APBA2: variants seen among roughly 807,000 people sequenced by gnomAD.
APBA2 encodes amyloid beta precursor protein binding family A member 2.
In APBA2, 30 loss-of-function variants were observed where a neutral mutation model predicts 75.0. The ratio of observed to expected loss-of-function variants is 0.40; its 90% CI spans 0.30 to 0.54. APBA2 has a LOEUF of 0.54. Ranked by LOEUF, APBA2 falls within the 20% of genes least tolerant of loss-of-function variation. The pLI is 0.49. For missense variants in APBA2, 801 were observed against 1,016.1 expected, an observed-to-expected ratio of 0.79 and a Z score of 2.88; for synonymous variants, 444 against 409.6, an observed-to-expected ratio of 1.08 and a Z score of -1.01.
intron 2 of APBA2, among the ~76,000 whole-genome samples, chr15:28,984,046 T>G (rs896961875): frequency 6.6e-6 from 1 of 152,130 alleles, no homozygotes; most frequent in Non-Finnish European, 1.5e-5. Context: ...ACTCACACTT[T>G]GGTGTGAGGC....
At chr15:29,091,105 G>A (rs989153040) in intron 6 of APBA2, among the ~76,000 whole-genome samples, 6 of 152,156 alleles carry the variant, frequency 3.9e-5, no homozygotes, top group Admixed American at 1.3e-4. Context: ...GGTGGACAGG[G>A]GTTCCTCCCC....
intron 2 of APBA2, among the ~76,000 whole-genome samples, chr15:28,948,313 TA>T (rs1455917138): frequency 4.6e-5 from 7 of 151,970 alleles, no homozygotes; most frequent in African/African-American, 1.7e-4. Context: ...TTCTTTGCCA[TA>T]ATGGCCACCT....
chr15:29,071,238 G>A (rs1004735114), intron 4 of APBA2: 1 of 362,818 alleles, frequency 2.8e-6, no homozygotes, highest in Non-Finnish European at 5.4e-6. Flanking sequence ...TGGAGCCAAG[G>A]TGTTTATTAG....
chr15:28,983,061 T>C (rs2152769670), intron 2 of APBA2, among the ~76,000 whole-genome samples: 1 of 152,322 alleles, frequency 6.6e-6, no homozygotes, highest in Non-Finnish European at 1.5e-5. Context: ...TGCCCACTCA[T>C]GTCCCCACTG....
chr15:29,035,102 T>C (rs2040678132), intron 3 of APBA2, among the ~76,000 whole-genome samples: 3 of 152,170 alleles, frequency 2.0e-5, no homozygotes, highest in Non-Finnish European at 2.9e-5. Flanking sequence ...GGCTGGACTT[T>C]AATGGCAATT....
chr15:28,903,535 G>C (rs1440446197), intron 1 of APBA2, among the ~76,000 whole-genome samples: 1 of 152,228 alleles, frequency 6.6e-6, no homozygotes, highest in Non-Finnish European at 1.5e-5. Context: ...TGTATTTGTG[G>C]TGGAGGCCCA....
At chr15:29,019,910 A>C (rs2039865469) in intron 3 of APBA2, among the ~76,000 whole-genome samples, 1 of 152,256 alleles carries the variant, frequency 6.6e-6, no homozygotes, top group African/African-American at 2.4e-5. Context: ...TCCCTTCCCA[A>C]ATGGCTACAG....
At chr15:29,113,698 T>TA (rs1205167933) in intron 13 of APBA2, among the ~76,000 whole-genome samples, 178 bp from the exon 14 acceptor site, 23 of 152,342 alleles carry the variant, frequency 1.5e-4, no homozygotes, top group Admixed American at 5.9e-4. Context: ...TTAACTCTCT[T>TA]GTTTTAAAGA....
intron 4 of APBA2, among the ~76,000 whole-genome samples, chr15:29,057,743 T>C (rs906835741): frequency 4.6e-5 from 7 of 152,340 alleles, no homozygotes; most frequent in South Asian, 2.1e-4. Flanking sequence ...CACTCTACCA[T>C]TGAGCATGCA....
chr15:29,054,207 A>G lies in APBA2; in HGVS notation c.323A>G (p.Asp108Gly), dbSNP rs1436946332. ...TACATCCGCTACTGCCCTGAGGACG[A>G]CAGCTACCTAGAGGGCATGGACTGC... ...TYYIRYCPED[D>G]SYLEGMDCNG... Residue 108 changes from aspartate to glycine, a missense_variant, in exon 4 of 15, where the codon GAC becomes GGC. Asp to Gly is a moderately conservative substitution (Grantham distance 94, BLOSUM62 -1). Coordinates refer to ENST00000683413, the MANE Select transcript of APBA2 (RefSeq NM_001353788.2). This position sits in a 1 kb window ranked among gnomAD's most constrained non-coding sequence, Gnocchi z 6.1. 1 of 1,614,168 alleles carries G rather than the reference A, an allele frequency of 6.2e-7. No individual in the cohort carries two copies. The highest frequency in any genetic ancestry group is 1.7e-5 in the Admixed American group (1 of 60,028).
In APBA2 at chr15:29,108,284, G is replaced by C. The variant is rs748419475; in HGVS notation, c.1932G>C (p.Gln644His). 7 of 1,613,828 alleles carry C rather than the reference G, an allele frequency of 4.3e-6. No homozygotes were observed. In the Admixed American group the frequency reaches 5.0e-5, roughly 12 times the overall value. ...CQGIIKGLKN[Q>H]TQVKLNIVSC... Reference sequence around the variant, plus strand: ...GTGCTCTGCAGGGCCTGAAGAACCAGACACAGGTGAAGCTCAACATTGTCA... The same window carrying C: ...GTGCTCTGCAGGGCCTGAAGAACCACACACAGGTGAAGCTCAACATTGTCA... Residue 644 changes from glutamine (Q) to histidine (H), a missense_variant, in exon 13 of 15, where the codon CAG (glutamine) becomes CAC (histidine). This residue lies in a region of APBA2 where 367 missense variants were observed against 544.5 expected (regional missense o/e 0.67). Transcript: ENST00000683413.
intron 3 of APBA2, among the ~76,000 whole-genome samples, chr15:29,027,198 T>C (rs996153677): frequency 2.6e-5 from 4 of 152,226 alleles, no homozygotes; most frequent in African/African-American, 9.6e-5. Flanking sequence ...CAGCTTTCCA[T>C]CTCTTTTTTG....
At chr15:29,041,425 G>A (rs1415639524) in intron 3 of APBA2, among the ~76,000 whole-genome samples, 2 of 151,144 alleles carry the variant, frequency 1.3e-5, no homozygotes, top group Non-Finnish European at 2.9e-5. Flanking sequence ...TGAGGCTGCA[G>A]TGAGCCATAT....
intron 1 of APBA2, among the ~76,000 whole-genome samples, chr15:28,888,549 G>A (rs1380636118): frequency 1.3e-5 from 2 of 152,224 alleles, no homozygotes; most frequent in African/African-American, 4.8e-5. Flanking sequence ...CTCAACAGGT[G>A]TGGGCCTCAG....
At chr15:29,101,283 G>A (rs2044107384) in intron 9 of APBA2, among the ~76,000 whole-genome samples, 2 of 151,052 alleles carry the variant, frequency 1.3e-5, no homozygotes, top group Admixed American at 6.6e-5. Context: ...AGGCTGGAGT[G>A]CAGTGGCGCA....
Position 29,073,154 on chromosome 15 carries a change from TCCATCAAAGAGCAAGACACTGATA to T in APBA2, c.952-1766_952-1743del, listed in dbSNP as rs2042699943. Among the ~76,000 whole-genome samples the T allele has an allele frequency of 2.0e-5, 3 of 152,182 alleles. No homozygotes were observed. In the South Asian group the frequency reaches 6.3e-4, roughly 32 times the overall value. On this transcript the variant is annotated intron_variant, in intron 4 of 14. Coordinates refer to ENST00000683413, the MANE Select transcript of APBA2 (RefSeq NM_001353788.2). ...TCTCAAAACCCCAGAGAGGCAGAGTTCCATCAAAGAGCAAGACACTGATAGACTAGGACAGGGGATAGGGCTGGC... is the reference window on the plus strand; with the variant it reads ...TCTCAAAACCCCAGAGAGGCAGAGTTGACTAGGACAGGGGATAGGGCTGGC...
chr15:29,000,678 C>A (rs2038796621), intron 3 of APBA2, among the ~76,000 whole-genome samples: 1 of 151,938 alleles, frequency 6.6e-6, no homozygotes, highest in Non-Finnish European at 1.5e-5. Context: ...GCAACCCTGA[C>A]CTCCAGGGCT....
intron 7 of APBA2, 54 bp downstream of exon 7, chr15:29,093,274 A>G: frequency 1.9e-6 from 3 of 1,606,276 alleles, no homozygotes; most frequent in Admixed American, 3.4e-5. Flanking sequence ...GGGGGGCACT[A>G]GCAGGAGGGA....
At chr15:29,099,001 G>A (rs2043989626) in intron 9 of APBA2, among the ~76,000 whole-genome samples, 1 of 152,122 alleles carries the variant, frequency 6.6e-6, no homozygotes, top group South Asian at 2.1e-4. Context: ...TCCCATGTCT[G>A]TCCTGTGTCC....
Sources: gnomAD v4.1 joint callset for allele counts (sites outside exome capture counted in the v4.1 genomes callset) on GRCh38, gnomAD v4.1.1 for gene constraint, gnomAD v4.1.1 regional missense constraint, Gnocchi (gnomAD v3.1) non-coding constraint, MANE v1.5 for transcripts, NCBI Gene and HGNC (gene_info 2026-07-23, HGNC 2026-07-21) for gene names.